The following RDX variants were observed in gnomAD, a reference collection of about 807,000 sequenced individuals.
The protein encoded by RDX is deafness, autosomal recessive 24.
RDX carries 32 observed loss-of-function variants against 83.7 expected under a neutral mutation model. The observed-to-expected ratio is 0.38, with a 90% CI of 0.29 to 0.51. The LOEUF is 0.51. RDX is among the 20% of genes least tolerant of loss of function. The probability of loss-of-function intolerance (pLI) is 0.87; values close to 1 mark genes in which losing one functional copy is unlikely to be tolerated. For synonymous variants in RDX, 229 were observed against 222.7 expected (o/e 1.03, Z -0.25); for missense variants, 600 against 689.9 (o/e 0.87, Z 1.46).
chr11:110,274,702 C>T (rs1437047773), intron 2 of RDX, among the ~76,000 whole-genome samples: 1 of 152,150 alleles, frequency 6.6e-6, no homozygotes, highest in African/African-American at 2.4e-5. Context: ...TTTAAAATTG[C>T]ACTATACTAG....
chr11:110,276,389 T>A (rs773668615), intron 2 of RDX, among the ~76,000 whole-genome samples: 11 of 152,224 alleles, frequency 7.2e-5, no homozygotes, highest in Non-Finnish European at 1.6e-4. Flanking sequence ...ATTGTCTTAA[T>A]TAGTACTTCT....
intron 1 of RDX, among the ~76,000 whole-genome samples, chr11:110,295,924 T>C (rs1861437059): frequency 6.6e-6 from 1 of 152,314 alleles, no homozygotes; most frequent in East Asian, 1.9e-4. Flanking sequence ...ACATCCCCTT[T>C]GCCACTGGGG....
chr11:110,240,040 G>C (rs1865020670), intron 10 of RDX, among the ~76,000 whole-genome samples: 1 of 152,058 alleles, frequency 6.6e-6, no homozygotes, highest in African/African-American at 2.4e-5. Flanking sequence ...TCCAGCAATA[G>C]TATCCAGCAA....
chr11:110,234,840 T>C (rs1206189686), intron 12 of RDX, among the ~76,000 whole-genome samples: 1 of 152,194 alleles, frequency 6.6e-6, no homozygotes, highest in Non-Finnish European at 1.5e-5. Flanking sequence ...GCAAGAAAAC[T>C]GTTTTCTGTA....
rs536762324 is a variant in RDX at position 110,261,180 on chromosome 11, G to A, written c.467+2780C>T. ...CAAATAAATACCAGATATCTCTCTT[G>A]GTTATATTGCACATATTTCAAACTC... On this transcript the variant is annotated intron_variant, in intron 5 of 13. Transcript: ENST00000645495. Among the ~76,000 whole-genome samples, 13 of 152,188 alleles carry A rather than the reference G, an allele frequency of 8.5e-5. No individual in the cohort carries two copies. The South Asian group carries it at 2.3e-3, about 27-fold the overall frequency.
At chr11:110,232,672 G>T (rs1031361933) in intron 13 of RDX, among the ~76,000 whole-genome samples, 1 of 152,116 alleles carries the variant, frequency 6.6e-6, no homozygotes, top group Non-Finnish European at 1.5e-5. Context: ...CCAGGCTGAA[G>T]TGCAGTGGCA....
At chr11:110,255,853 T>A (rs543217263) in intron 7 of RDX, among the ~76,000 whole-genome samples, 77 of 152,238 alleles carry the variant, frequency 5.1e-4, no homozygotes, top group African/African-American at 1.8e-3. Flanking sequence ...AATTTGAAAA[T>A]GTCTGGATAT....
At chr11:110,184,323 C>T (rs1862944189) in intron 15 of RDX, among the ~76,000 whole-genome samples, 2 of 152,208 alleles carry the variant, frequency 1.3e-5, no homozygotes, top group African/African-American at 2.4e-5. Flanking sequence ...ATTCCCAAGC[C>T]CAGGCGGTGA....
At chr11:110,193,716 G>A (rs184587488) in intron 15 of RDX, among the ~76,000 whole-genome samples, 5 of 152,208 alleles carry the variant, frequency 3.3e-5, no homozygotes, top group African/African-American at 9.6e-5. Context: ...CAGAGGAATC[G>A]GAGGCCCTGA....
intron 9 of RDX, among the ~76,000 whole-genome samples, chr11:110,250,295 G>A (rs1268802921): frequency 6.6e-6 from 1 of 152,182 alleles, no homozygotes; most frequent in Non-Finnish European, 1.5e-5. Context: ...GTAATTGCTA[G>A]TAAGGCCAAA....
intron 14 of RDX, among the ~76,000 whole-genome samples, chr11:110,221,592 T>C (rs1864248832): frequency 7.7e-6 from 1 of 130,052 alleles, no homozygotes; most frequent in Non-Finnish European, 1.6e-5. Context: ...AGCAAGACCC[T>C]GTCTCCAAAA....
chr11:110,286,346 C>A (rs190037554), intron 1 of RDX, among the ~76,000 whole-genome samples: 1 of 152,352 alleles, frequency 6.6e-6, no homozygotes, highest in East Asian at 1.9e-4. Flanking sequence ...TACTCAAACA[C>A]AGTGCCACAC....
chr11:110,232,091 T>C, intron 13 of RDX, 58 bp from the exon 14 acceptor site: 1 of 1,365,076 alleles, frequency 7.3e-7, no homozygotes, highest in Non-Finnish European at 1.0e-6. Context: ...AAAAAATTTA[T>C]GAAAATGGCT....
chr11:110,242,192 CCT>C lies in RDX; in HGVS notation c.1091-4542_1091-4541del, dbSNP rs1865125296. Among the ~76,000 whole-genome samples the C allele has an allele frequency of 2.0e-5, 3 of 152,242 alleles. No individual in the cohort carries two copies. The South Asian group carries it at 6.2e-4, about 32-fold the overall frequency. Reference sequence around the variant, plus strand: ...AACTGGCCGGGCACGGTGGCTCATGCCTGTAATCCCAGCACTTTGGGAAGCCT... The same window carrying C: ...AACTGGCCGGGCACGGTGGCTCATGCGTAATCCCAGCACTTTGGGAAGCCT... On this transcript the variant is annotated intron_variant, in intron 10 of 13. Transcript: ENST00000645495.
At chr11:110,221,601 A>AACACACACACACACACACACAC (rs60766252) in intron 14 of RDX, among the ~76,000 whole-genome samples, 1 of 133,508 alleles carries the variant, frequency 7.5e-6, no homozygotes, top group East Asian at 2.2e-4. Flanking sequence ...CTGTCTCCAA[A>AACACACACACACACACACACAC]ACACACACAC....
chr11:110,238,408 A>G (rs1390067625), intron 10 of RDX, among the ~76,000 whole-genome samples: 1 of 152,214 alleles, frequency 6.6e-6, no homozygotes, highest in African/African-American at 2.4e-5. Flanking sequence ...CTAACTTTAA[A>G]TATTATTTTG....
chr11:110,224,774 C>T (rs983057908), downstream of RDX, among the ~76,000 whole-genome samples: 1 of 152,144 alleles, frequency 6.6e-6, no homozygotes, highest in African/African-American at 2.4e-5. Context: ...TTAGACATTT[C>T]CTTTATCAGA....
chr11:110,224,143 T>C (rs1003413322), intron 14 of RDX, among the ~76,000 whole-genome samples: 1 of 152,220 alleles, frequency 6.6e-6, no homozygotes, highest in African/African-American at 2.4e-5. Context: ...CTCTGAGTTA[T>C]GTTTTGGTGA....
intron 14 of RDX, among the ~76,000 whole-genome samples, chr11:110,220,233 T>G (rs1343331199): frequency 6.6e-6 from 1 of 152,164 alleles, no homozygotes; most frequent in African/African-American, 2.4e-5. Context: ...AATATGAATA[T>G]TCATAATACA....
Sources: gnomAD v4.1 joint callset for allele counts (sites outside exome capture counted in the v4.1 genomes callset) on GRCh38, gnomAD v4.1.1 for gene constraint, MANE v1.5 for transcripts, NCBI Gene and HGNC (gene_info 2026-07-23, HGNC 2026-07-21) for gene names.